The following TLCD4 variants were observed in gnomAD, a reference collection of about 807,000 sequenced individuals.
TLCD4 encodes the protein TLC domain-containing protein 4.
TLCD4 carries 7 observed loss-of-function variants against 24.2 expected under a neutral mutation model. The observed-to-expected ratio is 0.29, with a 90% CI of 0.16 to 0.54. TLCD4 has a LOEUF of 0.54. TLCD4 is among the 20% of genes least tolerant of loss of function. The probability of loss-of-function intolerance (pLI) is 0.95; values close to 1 mark genes in which losing one functional copy is unlikely to be tolerated. For synonymous variants in TLCD4, 103 were observed against 106.4 expected (o/e 0.97, Z 0.20); for missense variants, 259 against 313.9 (o/e 0.82, Z 1.32).
the TLCD4 span, among the ~76,000 whole-genome samples, chr1:95,107,524 G>A: frequency 1.3e-5 from 2 of 152,150 alleles, no homozygotes; most frequent in Non-Finnish European, 2.9e-5. Flanking sequence ...ACAAAAATAT[G>A]ATTCTTTTGG....
Position 95,193,842 on chromosome 1 carries a change from G to C in TLCD4, c.*1974G>C, listed in dbSNP as rs577214913. On this transcript the variant is annotated 3_prime_UTR_variant, in exon 7 of 7. Transcript: ENST00000370203. Reference sequence around the variant, plus strand: ...TAAATATGTACTGGTTAACTAGAGGGGGGTAGGAAAGCAAGCGGTTTTATC... The same window carrying C: ...TAAATATGTACTGGTTAACTAGAGGCGGGTAGGAAAGCAAGCGGTTTTATC... The C allele has an allele frequency of 1.3e-4, 20 of 152,144 alleles. No homozygotes were observed. Among genetic ancestry groups the C allele is most frequent in the Non-Finnish European group, 2.2e-4 (15 of 67,942 alleles). 9.4% of individuals were successfully genotyped at this position (152,144 alleles called of 1,614,324 possible).
chr1:95,156,402 A>T (rs1316700788), intron 5 of TLCD4, among the ~76,000 whole-genome samples: 1 of 149,826 alleles, frequency 6.7e-6, no homozygotes, highest in East Asian at 1.9e-4. Context: ...GGTTGTACAT[A>T]TGGATGAGTA....
In TLCD4 at chr1:95,174,507, CAAAAAAAA is replaced by C. The variant is rs141819142; in HGVS notation, c.473+630_473+637del. Among the ~76,000 whole-genome samples, 27 of 85,862 alleles carry C rather than the reference CAAAAAAAA, an allele frequency of 3.1e-4. 1 individual carries two copies. Among genetic ancestry groups the C allele is most frequent in the South Asian group, 1.4e-3 (4 of 2,794 alleles). The allele number at this position is 85,862 out of a possible 152,430, so 56.3% of individuals were successfully genotyped here. ...GTAACATTGTGAGATCCCATCCCTACAAAAAAAAAAAAAAAAAAAGAAAAAAGAAAATT... is the reference window on the plus strand; with the variant it reads ...GTAACATTGTGAGATCCCATCCCTACAAAAAAAAAAAGAAAAAAGAAAATT... On this transcript the variant is annotated intron_variant, in intron 6 of 6. Transcript: ENST00000370203.
At chr1:95,115,580 ATTAAC>A (rs1304882534), upstream of TLCD4, among the ~76,000 whole-genome samples, 1 of 152,220 alleles carries the variant, frequency 6.6e-6, no homozygotes, top group African/African-American at 2.4e-5. Flanking sequence ...TCCTTGATAT[ATTAAC>A]TTATATGTTC....
At chr1:95,110,338 A>G in the TLCD4 span, among the ~76,000 whole-genome samples, 6 of 152,002 alleles carry the variant, frequency 3.9e-5, no homozygotes, top group African/African-American at 1.5e-4. Context: ...AAATTTCCCT[A>G]TTAAATTTGA....
Position 95,197,384 on chromosome 1 carries a change from T to C in TLCD4, c.*5516T>C, listed in dbSNP as rs187576664. 4.2e-4 allele frequency: 64 copies of C among 152,308 alleles called. 2 individuals are homozygous for C. Among genetic ancestry groups the C allele is most frequent in the Admixed American group, 3.5e-3 (53 of 15,298 alleles). The allele number at this position is 152,308 out of a possible 1,614,324, so 9.4% of individuals were successfully genotyped here. The stretch of plus-strand genomic sequence containing the variant: ...GTGCCATTTTAAAGTATATGCAAGT[T>C]CTAAGCAATAATCTGCATGTTATAC... On this transcript the variant is annotated 3_prime_UTR_variant, in exon 7 of 7. Coordinates refer to ENST00000370203, the MANE Select transcript of TLCD4 (RefSeq NM_152487.3).
Position 95,196,443 on chromosome 1 carries a change from A to T in TLCD4, c.*4575A>T, listed in dbSNP as rs539055853. 6.6e-6 allele frequency: 1 copy of T among 152,230 alleles called. No individual in the cohort carries two copies. Among genetic ancestry groups the T allele is most frequent in the Admixed American group, 6.5e-5 (1 of 15,276 alleles). The allele number at this position is 152,230 out of a possible 1,614,324, so 9.4% of individuals were successfully genotyped here. ...GTTACTTGGTGTTTTCCAAAGTACA[A>T]CATCCAAGGCTTGAACCTTACCCGT... On this transcript the variant is annotated 3_prime_UTR_variant, in exon 7 of 7. Transcript: ENST00000370203.
the TLCD4 span, among the ~76,000 whole-genome samples, chr1:95,100,602 AAAAG>A: frequency 1.5e-4 from 23 of 151,870 alleles, no homozygotes; most frequent in Non-Finnish European, 1.2e-4. Context: ...ATAAAAAAGA[AAAAG>A]AAAATTCTAC....
At chr1:95,130,299 C>T (rs573466666) in intron 1 of TLCD4, among the ~76,000 whole-genome samples, 11 of 147,890 alleles carry the variant, frequency 7.4e-5, no homozygotes, top group East Asian at 2.0e-4. Context: ...ACTACAGGCA[C>T]GTGCCTCCAT....
intron 1 of TLCD4, among the ~76,000 whole-genome samples, chr1:95,125,208 A>G (rs960113174): frequency 3.3e-5 from 5 of 152,224 alleles, no homozygotes; most frequent in Middle Eastern, 3.4e-3. Context: ...GGTTTTTTTT[A>G]TGTGACTTAC....
intron 1 of TLCD4, among the ~76,000 whole-genome samples, chr1:95,123,750 T>A (rs559555380): frequency 6.6e-6 from 1 of 152,144 alleles, no homozygotes; most frequent in South Asian, 2.1e-4. Context: ...CCTTTTTCAT[T>A]TAAATGTCAA....
chr1:95,103,472 A>G, the TLCD4 span, among the ~76,000 whole-genome samples: 8 of 152,362 alleles, frequency 5.3e-5, no homozygotes, highest in Middle Eastern at 6.8e-3. Flanking sequence ...AATTTCCTGT[A>G]GAAACTAGAG....
chr1:95,180,199 AT>A (rs1678584826), intron 6 of TLCD4, among the ~76,000 whole-genome samples: 1 of 152,226 alleles, frequency 6.6e-6, no homozygotes, highest in Non-Finnish European at 1.5e-5. Context: ...TGATTATGAG[AT>A]TTTGAAGCAG....
At chr1:95,107,146 G>A in the TLCD4 span, among the ~76,000 whole-genome samples, 13 of 152,224 alleles carry the variant, frequency 8.5e-5, no homozygotes, top group African/African-American at 2.9e-4. Flanking sequence ...CTTTTAGGCC[G>A]GGCGCGGTGG....
At chr1:95,141,792 T>TACACACACACACACACACACAC (rs3075917) in intron 1 of TLCD4, among the ~76,000 whole-genome samples, 25 of 138,672 alleles carry the variant, frequency 1.8e-4, no homozygotes, top group South Asian at 7.4e-4. Flanking sequence ...TTTTACCAAG[T>TACACACACACACACACACACAC]ACACACACAC....
intron 1 of TLCD4, among the ~76,000 whole-genome samples, chr1:95,132,257 C>T (rs1676917234): frequency 1.3e-5 from 2 of 151,966 alleles, no homozygotes; most frequent in African/African-American, 4.8e-5. Flanking sequence ...GAGTTCGAGA[C>T]CAGCCCGACC....
the TLCD4 span, among the ~76,000 whole-genome samples, chr1:95,097,750 A>G: frequency 5.5e-5 from 8 of 144,904 alleles, no homozygotes; most frequent in Non-Finnish European, 1.1e-4. Context: ...TATATGTTCC[A>G]CTTAATAGAG....
Position 95,118,414 on chromosome 1 carries a change from A to G in TLCD4, c.-12+797A>G, listed in dbSNP as rs546483070. Among the ~76,000 whole-genome samples, 3 of 152,288 alleles carry G rather than the reference A, an allele frequency of 2.0e-5. No homozygotes were observed. In the South Asian group the frequency reaches 6.2e-4, roughly 32 times the overall value. On this transcript the variant is annotated intron_variant, in intron 1 of 6. Coordinates refer to ENST00000370203, the MANE Select transcript of TLCD4 (RefSeq NM_152487.3). The stretch of plus-strand genomic sequence containing the variant: ...GCTGTTGCTGGTCTGTATATTTTTA[A>G]TTGTACACACATTTGAGTGTTAATG...
chr1:95,093,762 T>C, the TLCD4 span, among the ~76,000 whole-genome samples: 2 of 152,232 alleles, frequency 1.3e-5, no homozygotes, highest in African/African-American at 4.8e-5. Flanking sequence ...GACACATATA[T>C]GTTATCCAAA....
Sources: gnomAD v4.1 joint callset for allele counts (sites outside exome capture counted in the v4.1 genomes callset) on GRCh38, gnomAD v4.1.1 for gene constraint, MANE v1.5 for transcripts, NCBI Gene and HGNC (gene_info 2026-07-23, HGNC 2026-07-21) for gene names.